Variants in RBMS3 observed in about 807,000 individuals in gnomAD.
RBMS3 encodes RNA binding motif single stranded interacting protein 3.
A neutral mutation model predicts 66.8 loss-of-function variants in RBMS3; 27 were observed. That is an observed-to-expected ratio of 0.40 (90% CI 0.30 to 0.56). The LOEUF (loss-of-function observed/expected upper bound fraction) is 0.56. Ranked by LOEUF, RBMS3 falls within the 20% of genes least tolerant of loss-of-function variation. RBMS3 has a pLI of 0.40. For synonymous variants in RBMS3, 188 were observed against 183.0 expected, an observed-to-expected ratio of 1.03 and a Z score of -0.22; for missense variants, 513 against 549.5, an observed-to-expected ratio of 0.93 and a Z score of 0.66.
At chr3:29,883,394 T>G (rs1226929583) in intron 7 of RBMS3, among the ~76,000 whole-genome samples, 1 of 152,082 alleles carries the variant, frequency 6.6e-6, no homozygotes. Flanking sequence ...AAAATACTCC[T>G]CCTGCCTACT....
At chr3:30,002,427 G>GA (rs977667954) in intron 14 of RBMS3, among the ~76,000 whole-genome samples, 9 of 151,110 alleles carry the variant, frequency 6.0e-5, no homozygotes, top group African/African-American at 1.9e-4. Flanking sequence ...ATATAACCAA[G>GA]AAAAAAAATT....
chr3:29,979,162 A>G (rs6765062), intron 12 of RBMS3, among the ~76,000 whole-genome samples: 34,351 of 151,048 alleles, frequency 0.23, 4,028 homozygotes, highest in East Asian at 0.33. Flanking sequence ...GGAAAGAAAC[A>G]ACAACAACAA....
At chr3:29,898,731 A>ATGTGTG (rs1265286069) in intron 9 of RBMS3, among the ~76,000 whole-genome samples, 1 of 112,318 alleles carries the variant, frequency 8.9e-6, no homozygotes, top group African/African-American at 4.2e-5. Context: ...CCTGGTTGTA[A>ATGTGTG]TGTGCGTGTG....
chr3:29,839,313 C>A (rs2058606774), intron 6 of RBMS3, among the ~76,000 whole-genome samples: 1 of 152,152 alleles, frequency 6.6e-6, no homozygotes, highest in African/African-American at 2.4e-5. Flanking sequence ...CCCTCAGTTT[C>A]ATGACTTCCC....
At chr3:29,395,745 A>C (rs902435594) in intron 1 of RBMS3, among the ~76,000 whole-genome samples, 9 of 152,210 alleles carry the variant, frequency 5.9e-5, no homozygotes, top group African/African-American at 2.2e-4. Flanking sequence ...AAAGATATTA[A>C]TGTTAAAATT....
intron 10 of RBMS3, among the ~76,000 whole-genome samples, chr3:29,902,476 G>T (rs546482077): frequency 7.9e-5 from 12 of 151,748 alleles, no homozygotes; most frequent in South Asian, 6.3e-4. Flanking sequence ...GAGAAACTCT[G>T]TGGCTATAAA....
chr3:29,824,616 C>A (rs2058158317), intron 6 of RBMS3, among the ~76,000 whole-genome samples: 1 of 152,118 alleles, frequency 6.6e-6, no homozygotes, highest in Admixed American at 6.6e-5. Flanking sequence ...ATAACCACTT[C>A]ACAGCAATTG....
chr3:29,585,023 A>G (rs1235055985), intron 3 of RBMS3, among the ~76,000 whole-genome samples: 1 of 152,162 alleles, frequency 6.6e-6, no homozygotes, highest in Admixed American at 6.6e-5. Context: ...GTAATTATAT[A>G]TTCATTTGTA....
intron 1 of RBMS3, among the ~76,000 whole-genome samples, chr3:29,323,689 CAT>C (rs1335636149): frequency 3.5e-4 from 35 of 99,728 alleles, no homozygotes; most frequent in Middle Eastern, 9.4e-3. Flanking sequence ...TACACACACA[CAT>C]ACACACACAC....
chr3:29,518,161 A>G lies in RBMS3; in HGVS notation c.307+29662A>G, dbSNP rs138193071. Reference sequence around the variant, plus strand: ...GTGACCATTAGGTGCCTGATACTGTACTAAGCACAGGTTATTGGGTGTAGC... The same window carrying G: ...GTGACCATTAGGTGCCTGATACTGTGCTAAGCACAGGTTATTGGGTGTAGC... On this transcript the variant is annotated intron_variant, in intron 3 of 14. Coordinates refer to ENST00000383767, the MANE Select transcript of RBMS3 (RefSeq NM_001003793.3). 5.7e-4 allele frequency among the ~76,000 whole-genome samples: 87 copies of G among 152,336 alleles called. 1 individual carries two copies. Among genetic ancestry groups the G allele is most frequent in the African/African-American group, 2.0e-3 (85 of 41,574 alleles).
intron 1 of RBMS3, among the ~76,000 whole-genome samples, chr3:29,329,796 T>G (rs1242815428): frequency 1.3e-5 from 2 of 148,862 alleles, no homozygotes; most frequent in African/African-American, 4.9e-5. Context: ...TGTGAAAAAT[T>G]TTTATAGATT....
At chr3:29,853,709 C>T (rs1230442817) in intron 6 of RBMS3, among the ~76,000 whole-genome samples, 1 of 152,140 alleles carries the variant, frequency 6.6e-6, no homozygotes, top group Admixed American at 6.5e-5. Flanking sequence ...ATGTGGTCAC[C>T]TTCCCAGCCA....
intron 1 of RBMS3, among the ~76,000 whole-genome samples, chr3:29,410,426 G>T (rs1466000247): frequency 1.3e-5 from 2 of 152,100 alleles, no homozygotes; most frequent in Non-Finnish European, 2.9e-5. Context: ...TTGCCTAAAA[G>T]CTCCATTAGG....
intron 7 of RBMS3, among the ~76,000 whole-genome samples, chr3:29,874,613 A>G (rs1252545670): frequency 6.6e-6 from 1 of 152,166 alleles, no homozygotes; most frequent in African/African-American, 2.4e-5. Context: ...ATTATGATGC[A>G]TGTTAGCACT....
Position 29,433,325 on chromosome 3 carries a change from AG to A in RBMS3, c.76-1417del, listed in dbSNP as rs2041278448. On this transcript the variant is annotated intron_variant, in intron 1 of 14. Coordinates refer to ENST00000383767, the MANE Select transcript of RBMS3 (RefSeq NM_001003793.3). ...GCTAAAGACTCTTCATCTTCAGATG[AG>A]AACCCAGCCCAAAGTTTCCCCACTG... Among the ~76,000 whole-genome samples the A allele has an allele frequency of 2.0e-5, 3 of 152,156 alleles. No homozygotes were observed. In the East Asian group the frequency reaches 5.8e-4, roughly 29 times the overall value.
chr3:29,523,455 C>T (rs2044948539), intron 3 of RBMS3, among the ~76,000 whole-genome samples: 1 of 151,930 alleles, frequency 6.6e-6, no homozygotes, highest in Non-Finnish European at 1.5e-5. Flanking sequence ...TACTTTTTCA[C>T]CTTCATAGCT....
At chr3:29,400,047 G>T (rs538139292) in intron 1 of RBMS3, among the ~76,000 whole-genome samples, 1 of 152,232 alleles carries the variant, frequency 6.6e-6, no homozygotes, top group Non-Finnish European at 1.5e-5. Flanking sequence ...GAAGCAGAAA[G>T]ATTGGCACAC....
In RBMS3 at chr3:29,864,947, GGGAA is replaced by G. The variant is rs559898155; in HGVS notation, c.638-3901_638-3898del. Among the ~76,000 whole-genome samples, 23 of 103,332 alleles carry G rather than the reference GGGAA, an allele frequency of 2.2e-4. 1 individual carries two copies. In the South Asian group the frequency reaches 8.7e-3, roughly 39 times the overall value. 67.8% of individuals were successfully genotyped at this position (103,332 alleles called of 152,430 possible). A position where few individuals can be genotyped will look rare whatever the true frequency, so the allele number is the denominator to read the frequency against. On this transcript the variant is annotated intron_variant, in intron 6 of 14. Coordinates refer to ENST00000383767, the MANE Select transcript of RBMS3 (RefSeq NM_001003793.3). ...GGAAGGAAGAGAGAGAGAGGAAGGA[GGGAA>G]GGAAGGAAGAAAGGAAGGAAGGGAG...
chr3:29,944,461 A>C (rs1021330026), intron 12 of RBMS3, among the ~76,000 whole-genome samples: 1 of 151,862 alleles, frequency 6.6e-6, no homozygotes. Context: ...AATGTGTTGC[A>C]TTTTAAATAG....
Sources: gnomAD v4.1 joint callset for allele counts (sites outside exome capture counted in the v4.1 genomes callset) on GRCh38, gnomAD v4.1.1 for gene constraint, MANE v1.5 for transcripts, NCBI Gene and HGNC (gene_info 2026-07-23, HGNC 2026-07-21) for gene names.